The following TRIM36 variants were observed in gnomAD, a reference collection of about 807,000 sequenced individuals.
TRIM36 encodes the protein tripartite motif containing 36.
TRIM36 carries 42 observed loss-of-function variants against 72.4 expected under a neutral mutation model. That is an observed-to-expected ratio of 0.58 (90% CI 0.45 to 0.75). The LOEUF (loss-of-function observed/expected upper bound fraction) is 0.75. TRIM36 is among the 30% of genes least tolerant of loss of function. The pLI is 0.00. For missense variants in TRIM36, 913 were observed against 857.1 expected (o/e 1.07, Z -0.81); for synonymous variants, 315 against 282.8 (o/e 1.11, Z -1.14).
intron 4 of TRIM36, among the ~76,000 whole-genome samples, chr5:115,142,791 G>C (rs936298011): frequency 6.6e-6 from 1 of 152,104 alleles, no homozygotes; most frequent in African/African-American, 2.4e-5. Flanking sequence ...AAAAGACAAG[G>C]CTACCTCTTA....
In TRIM36 at chr5:115,134,009, G is replaced by A. The variant is rs752184857; in HGVS notation, c.1349C>T (p.Ser450Leu). 2.1e-5 allele frequency: 34 copies of A among 1,613,750 alleles called. No homozygotes were observed. Among genetic ancestry groups the A allele is most frequent in the Non-Finnish European group, 2.6e-5 (31 of 1,179,944 alleles). ...YRKINRDDEM[S>L]WNEIEVCGTS... ...TCCACACACTTCTATCTCATTCCATGACATTTCATCATCTCTATTGATTTT... is the reference window on the plus strand; with the variant it reads ...TCCACACACTTCTATCTCATTCCATAACATTTCATCATCTCTATTGATTTT... The change falls in exon 8 of 10, where the codon TCA (serine) becomes TTA (leucine). Residue 450 changes from serine (S) to leucine (L), a missense_variant. Ser to Leu is a moderately radical substitution (Grantham distance 145, BLOSUM62 -2). Transcript: ENST00000513154.
intron 2 of TRIM36, among the ~76,000 whole-genome samples, chr5:115,148,564 C>T (rs972423905): frequency 2.6e-5 from 4 of 151,918 alleles, no homozygotes; most frequent in Admixed American, 2.6e-4. Context: ...GCGCCCACCA[C>T]CACACCTAGC....
intron 7 of TRIM36, among the ~76,000 whole-genome samples, chr5:115,135,973 C>G (rs925687537): frequency 1.3e-5 from 2 of 151,910 alleles, no homozygotes; most frequent in Non-Finnish European, 2.9e-5. Context: ...TGTTCACCAT[C>G]ACTAGAAGAG....
chr5:115,150,594 A>G (rs1040343898), intron 2 of TRIM36, among the ~76,000 whole-genome samples: 1 of 152,230 alleles, frequency 6.6e-6, no homozygotes, highest in African/African-American at 2.4e-5. Context: ...TGTGGATGCT[A>G]GCACTGTGAA....
intron 2 of TRIM36, among the ~76,000 whole-genome samples, chr5:115,150,612 T>C (rs1753837460): frequency 6.6e-6 from 1 of 152,166 alleles, no homozygotes; most frequent in African/African-American, 2.4e-5. Context: ...GAAATTTTGC[T>C]CCAGAACGAC....
chr5:115,171,203 C>T (rs1436576448), upstream of TRIM36: 1 of 1,614,190 alleles, frequency 6.2e-7, no homozygotes, highest in East Asian at 2.2e-5. Context: ...GCAGCGGTAG[C>T]CTCGTCTCCA....
intron 2 of TRIM36, among the ~76,000 whole-genome samples, chr5:115,161,123 G>A (rs762949024): frequency 3.3e-5 from 5 of 151,898 alleles, no homozygotes; most frequent in South Asian, 4.2e-4. Context: ...GTGTGTGTTC[G>A]TGATAAAGGA....
At chr5:115,162,244 C>T (rs539395793) in intron 2 of TRIM36, among the ~76,000 whole-genome samples, 3 of 152,230 alleles carry the variant, frequency 2.0e-5, no homozygotes, top group Non-Finnish European at 2.9e-5. Context: ...TAGGGTTCTT[C>T]CTAAAGAAGA....
intron 2 of TRIM36, among the ~76,000 whole-genome samples, chr5:115,149,845 G>A (rs1309488765): frequency 2.6e-5 from 4 of 151,870 alleles, no homozygotes; most frequent in East Asian, 1.9e-4. Flanking sequence ...TGCAAGCTCC[G>A]CCTCCCGGGT....
At chr5:115,127,002 A>T in intron 9 of TRIM36, 145 bp from the exon 10 acceptor site, 2 of 837,576 alleles carry the variant, frequency 2.4e-6, no homozygotes. Context: ...AAAAACATAA[A>T]AATGACACAT....
chr5:115,149,569 GAAAAAAAAAAAAA>G lies in TRIM36; in HGVS notation c.263-2188_263-2176del, dbSNP rs748596152. The stretch of plus-strand genomic sequence containing the variant: ...CCCAGAATTGGGTCCTCAGAAATTT[GAAAAAAAAAAAAA>G]AAAAAAAAAAAAAAGTTCATCCCTT... On this transcript the variant is annotated intron_variant, in intron 2 of 9. Transcript: ENST00000513154. 1.3e-3 allele frequency: 26 copies of G among 19,278 alleles called. No individual in the cohort carries two copies. The Admixed American group carries it at 0.015, about 11-fold the overall frequency. The allele number at this position is 19,278 out of a possible 1,614,324, so 1.2% of individuals were successfully genotyped here. A position where few individuals can be genotyped will look rare whatever the true frequency, so the allele number is the denominator to read the frequency against.
chr5:115,177,861 C>G, intron 1 of TRIM36: 1 of 1,614,054 alleles, frequency 6.2e-7, no homozygotes, highest in Non-Finnish European at 8.5e-7. Flanking sequence ...GCTGCAGGCC[C>G]ATTGCTGAAG....
chr5:115,157,891 C>T (rs188521055), intron 2 of TRIM36, among the ~76,000 whole-genome samples: 2 of 152,258 alleles, frequency 1.3e-5, no homozygotes, highest in Non-Finnish European at 2.9e-5. Flanking sequence ...TATGGTCTCA[C>T]TCATAAGTGG....
At chr5:115,130,531 A>T in intron 9 of TRIM36, 61 bp downstream of exon 9, 1 of 1,524,834 alleles carries the variant, frequency 6.6e-7, no homozygotes, top group Non-Finnish European at 8.8e-7. Flanking sequence ...AACAAAGCCA[A>T]ATCTATTTTC....
At chr5:115,156,351 G>A (rs1439744891) in intron 2 of TRIM36, among the ~76,000 whole-genome samples, 1 of 151,676 alleles carries the variant, frequency 6.6e-6, no homozygotes, top group Admixed American at 6.6e-5. Flanking sequence ...AGCCCGCATA[G>A]CCAAAGCAAG....
intron 1 of TRIM36, among the ~76,000 whole-genome samples, chr5:115,167,975 A>G (rs940116002): frequency 1.3e-5 from 2 of 152,224 alleles, no homozygotes; most frequent in Non-Finnish European, 2.9e-5. Flanking sequence ...CACGTTTTAC[A>G]TGGCAGCAGG....
chr5:115,136,965 A>G, intron 7 of TRIM36, 35 bp downstream of exon 7: 1 of 1,532,178 alleles, frequency 6.5e-7, no homozygotes. Context: ...AATTCAGACA[A>G]AAAGAATGAG....
At position 115,137,407 on chromosome 5, in the gene TRIM36, T is replaced by G; in HGVS notation, c.1041A>C (p.Thr347=). ...CTGTCTGCACAAAGCAAGACTGATC[T>G]GTCTCCTTTAGCACTTCTTGAGCAT... ...VGYAQEVLKE[T]DQSCFVQTAK... is the part of the protein sequence containing the mutation. The change falls in exon 6 of 10, where the codon ACA becomes ACC. Residue 347 remains threonine, a synonymous_variant. Coordinates refer to ENST00000513154, the MANE Select transcript of TRIM36 (RefSeq NM_001300759.2). 1.2e-6 allele frequency: 2 copies of G among 1,614,032 alleles called. No homozygotes were observed. The highest frequency in any genetic ancestry group is 1.7e-6 in the Non-Finnish European group (2 of 1,179,966).
rs1052649261 is a variant in TRIM36, at chr5:115,144,707, T to C, written c.626A>G (p.Asn209Ser). ...CCTCCTACATAATTCACAGTACATG[T>C]TTATTCTCTCTGTTTCATGTTCTGG... is the stretch of plus-strand genomic sequence containing the variant. ...MCPEHETERINMYCELCRRPV... is the reference protein window; with the variant it reads ...MCPEHETERISMYCELCRRPV... The change falls in exon 4 of 10, where the codon AAC becomes AGC. Residue 209 changes from asparagine (N) to serine (S), a missense_variant. Asn to Ser is a conservative substitution (Grantham distance 46). Transcript: ENST00000513154. The C allele has an allele frequency of 1.2e-6, 2 of 1,613,960 alleles. No individual in the cohort carries two copies. The highest frequency in any genetic ancestry group is 2.7e-5 in the African/African-American group (2 of 74,912).
Sources: gnomAD v4.1 joint callset for allele counts (sites outside exome capture counted in the v4.1 genomes callset) on GRCh38, gnomAD v4.1.1 for gene constraint, MANE v1.5 for transcripts, NCBI Gene and HGNC (gene_info 2026-07-23, HGNC 2026-07-21) for gene names.